Variants in CRY2 observed in about 807,000 individuals in gnomAD.
The protein encoded by CRY2 is cryptochrome-2.
CRY2 carries 31 observed loss-of-function variants against 69.5 expected under a neutral mutation model. The ratio of observed to expected loss-of-function variants is 0.45; its 90% CI spans 0.34 to 0.60. CRY2 has a LOEUF of 0.60. Among genes scored for constraint, CRY2 ranks in the 20% least tolerant of loss-of-function variants. The pLI, the probability that CRY2 is intolerant of heterozygous loss-of-function variation, is 0.02. For synonymous variants in CRY2, 303 were observed against 312.2 expected (o/e 0.97, Z 0.31); for missense variants, 606 against 797.8 (o/e 0.76, Z 2.90).
chr11:45,851,918 C>T (rs1052099425), intron 1 of CRY2, among the ~76,000 whole-genome samples: 3 of 152,118 alleles, frequency 2.0e-5, no homozygotes, highest in Non-Finnish European at 4.4e-5. Flanking sequence ...TGTTATCCTC[C>T]CTCCCCCCAT....
rs370196977 is a variant in CRY2, at chr11:45,882,292, C to CGT, written c.*1395_*1396dup. ...TGTGTGTGTGTGTGCGTGTGTGGTA[C>CGT]GTGTGTGTGTGTGTGGCTATGAGGC... On this transcript the variant is annotated 3_prime_UTR_variant, in exon 12 of 12. Coordinates refer to ENST00000616080, the MANE Select transcript of CRY2 (RefSeq NM_021117.5). 2.9e-4 allele frequency: 66 copies of CGT among 224,192 alleles called. No homozygotes were observed. Among genetic ancestry groups the CGT allele is most frequent in the Middle Eastern group, 1.5e-3 (1 of 676 alleles). The allele number at this position is 224,192 out of a possible 1,614,324, so 13.9% of individuals were successfully genotyped here. A position where few individuals can be genotyped will look rare whatever the true frequency, so the allele number is the denominator to read the frequency against.
chr11:45,872,252 G>T lies in CRY2; in HGVS notation c.*2+19G>T, dbSNP rs760030943. 1.2e-6 allele frequency: 2 copies of T among 1,610,752 alleles called. No homozygotes were observed. The highest frequency in any genetic ancestry group is 1.7e-5 in the Admixed American group (1 of 59,868). On this transcript the variant is annotated intron_variant, in intron 11 of 11. Transcript: ENST00000616080. ...CCTGAGAGTGAGTGACAGCAGCCTAGATTCAACCTCAGGAAGGAAGTTGGG... is the reference window on the plus strand; with the variant it reads ...CCTGAGAGTGAGTGACAGCAGCCTATATTCAACCTCAGGAAGGAAGTTGGG...
chr11:45,872,586 C>CATAATA (rs542258455), intron 11 of CRY2, among the ~76,000 whole-genome samples: 12 of 151,342 alleles, frequency 7.9e-5, no homozygotes, highest in Admixed American at 3.3e-4. Flanking sequence ...TCTCTAAAAA[C>CATAATA]ATAATAATAA....
chr11:45,851,816 T>C (rs2086200895), intron 1 of CRY2, among the ~76,000 whole-genome samples: 1 of 152,230 alleles, frequency 6.6e-6, no homozygotes, highest in Non-Finnish European at 1.5e-5. Context: ...AGCCAATCTG[T>C]GCCAGCCAGT....
In CRY2 at chr11:45,880,982, C is replaced by T. The variant is rs1468606989; in HGVS notation, c.*71C>T. On this transcript the variant is annotated 3_prime_UTR_variant, in exon 12 of 12. Coordinates refer to ENST00000616080, the MANE Select transcript of CRY2 (RefSeq NM_021117.5). Reference sequence around the variant, plus strand: ...AGCCACCGCAGCAGCAGAGTACAACCTGCAGAGAAGCTGATCACCGGGCAG... The same window carrying T: ...AGCCACCGCAGCAGCAGAGTACAACTTGCAGAGAAGCTGATCACCGGGCAG... 2 of 152,400 alleles carry T rather than the reference C, an allele frequency of 1.3e-5. No homozygotes were observed. Among genetic ancestry groups the T allele is most frequent in the Non-Finnish European group, 2.9e-5 (2 of 68,180 alleles). 9.4% of individuals were successfully genotyped at this position (152,400 alleles called of 1,614,324 possible).
chr11:45,876,447 G>A (rs1010508783), intron 11 of CRY2, among the ~76,000 whole-genome samples: 13 of 152,188 alleles, frequency 8.5e-5, no homozygotes, highest in Admixed American at 3.9e-4. Context: ...CCCCCAAATA[G>A]CTATTGTTTC....
At chr11:45,872,699 A>G (rs1474730101) in intron 11 of CRY2, among the ~76,000 whole-genome samples, 2 of 151,970 alleles carry the variant, frequency 1.3e-5, no homozygotes, top group African/African-American at 2.4e-5. Context: ...GCCCTTTTGT[A>G]TTTTTTTGCC....
chr11:45,858,452 C>T, intron 2 of CRY2: 1 of 364,556 alleles, frequency 2.7e-6, no homozygotes, highest in Non-Finnish European at 5.0e-6. Context: ...CTGCTGCATT[C>T]TCCTACCTCA....
At chr11:45,865,331 GCT>G (rs1413692062) in intron 5 of CRY2, among the ~76,000 whole-genome samples, 2 of 152,206 alleles carry the variant, frequency 1.3e-5, no homozygotes, top group Non-Finnish European at 2.9e-5. Flanking sequence ...GGCTGTCAAA[GCT>G]CTGTTTCCCA....
intron 3 of CRY2, 71 bp downstream of exon 3, chr11:45,858,944 A>G: frequency 6.4e-7 from 1 of 1,561,062 alleles, no homozygotes; most frequent in Non-Finnish European, 8.7e-7. Flanking sequence ...GCTGAGCGGA[A>G]CTCAGAGAGG....
chr11:45,867,385 T>C, intron 5 of CRY2: 1 of 547,756 alleles, frequency 1.8e-6, no homozygotes. Context: ...TAACAACGTG[T>C]TCACAGTCAC....
chr11:45,872,759 C>T (rs1324577252), intron 11 of CRY2, among the ~76,000 whole-genome samples: 1 of 152,082 alleles, frequency 6.6e-6, no homozygotes, highest in South Asian at 2.1e-4. Context: ...CGCTTTCTAC[C>T]TATTAAAATG....
intron 1 of CRY2, among the ~76,000 whole-genome samples, chr11:45,851,751 G>A (rs2086200525): frequency 6.6e-6 from 1 of 151,920 alleles, no homozygotes; most frequent in African/African-American, 2.4e-5. Context: ...TTTTCCATGG[G>A]GCTTAAGCTC....
At chr11:45,865,691 G>A (rs1433699606) in intron 5 of CRY2, among the ~76,000 whole-genome samples, 1 of 151,006 alleles carries the variant, frequency 6.6e-6, no homozygotes, top group Admixed American at 6.6e-5. Context: ...AGCAGGAGGC[G>A]GAGGGTACAG....
intron 5 of CRY2, among the ~76,000 whole-genome samples, chr11:45,862,609 A>G (rs544518337): frequency 5.3e-5 from 8 of 152,204 alleles, no homozygotes; most frequent in Non-Finnish European, 8.8e-5. Flanking sequence ...ACCTTGTTCT[A>G]TGTTATTCTA....
rs564327878 is a variant in CRY2, at chr11:45,861,073, C to G, written c.652+41C>G. On this transcript the variant is annotated intron_variant, in intron 4 of 11. Coordinates refer to ENST00000616080, the MANE Select transcript of CRY2 (RefSeq NM_021117.5). ...CCAGAGCCACTTGTGCTGGTGCCTG[C>G]TTTTGTGTAAAGAAATTCTTTGTGA... The G allele has an allele frequency of 5.8e-6, 9 of 1,559,420 alleles. No individual in the cohort carries two copies. The South Asian group carries it at 9.1e-5, about 16-fold the overall frequency.
intron 11 of CRY2, among the ~76,000 whole-genome samples, chr11:45,879,329 A>G (rs1402922775): frequency 6.6e-6 from 1 of 152,180 alleles, no homozygotes; most frequent in Non-Finnish European, 1.5e-5. Context: ...AATTATCATC[A>G]GATAAAATCT....
At chr11:45,862,842 G>T (rs989599212) in intron 5 of CRY2, among the ~76,000 whole-genome samples, 2 of 152,146 alleles carry the variant, frequency 1.3e-5, no homozygotes, top group Non-Finnish European at 2.9e-5. Context: ...GGCCTCAGAG[G>T]CACAGTGTCA....
intron 1 of CRY2, 94 bp downstream of exon 1, chr11:45,847,799 G>C: frequency 2.8e-6 from 4 of 1,420,756 alleles, no homozygotes; most frequent in Non-Finnish European, 3.7e-6. Context: ...CCCCGCCACG[G>C]CTGGAAGGCC....
Sources: gnomAD v4.1 joint callset for allele counts (sites outside exome capture counted in the v4.1 genomes callset) on GRCh38, gnomAD v4.1.1 for gene constraint, MANE v1.5 for transcripts, NCBI Gene and HGNC (gene_info 2026-07-23, HGNC 2026-07-21) for gene names.